NTM: variants seen among roughly 807,000 people sequenced by gnomAD.
NTM encodes the protein neurotrimin.
Under a neutral mutation model 42.1 loss-of-function variants are expected in NTM, and 13 were observed. The ratio of observed to expected loss-of-function variants is 0.31; its 90% CI spans 0.20 to 0.49. The LOEUF (loss-of-function observed/expected upper bound fraction) is 0.49. NTM is among the 20% of genes least tolerant of loss of function. The pLI, the probability that NTM is intolerant of heterozygous loss-of-function variation, is 0.99. For synonymous variants in NTM, 187 were observed against 179.2 expected (o/e 1.04, Z -0.35); for missense variants, 373 against 452.8 (o/e 0.82, Z 1.60).
chr11:131,473,695 G>T (rs1395214358), intron 1 of NTM, among the ~76,000 whole-genome samples: 1 of 152,104 alleles, frequency 6.6e-6, no homozygotes, highest in East Asian at 1.9e-4. Flanking sequence ...GCTCCATGGT[G>T]GAGAGGGAGG....
At position 131,799,949 on chromosome 11, in the gene NTM, CTCCT is replaced by C. The variant is rs1291896404; in HGVS notation, c.83-111613_83-111610del. Among the ~76,000 whole-genome samples the C allele has an allele frequency of 5.3e-4, 81 of 152,266 alleles. 1 individual carries two copies. In the South Asian group the frequency reaches 0.017, roughly 31 times the overall value. On this transcript the variant is annotated intron_variant, in intron 1 of 8. Coordinates refer to ENST00000683400, the MANE Select transcript of NTM (RefSeq NM_001352005.2). ...CCTATTTTTTCTAACTTTGATGAAA[CTCCT>C]TGCCTTTATTTGAAAATGGGGAAAC...
chr11:131,826,538 A>C (rs2042146140), intron 1 of NTM, among the ~76,000 whole-genome samples: 2 of 147,310 alleles, frequency 1.4e-5, no homozygotes, highest in Admixed American at 1.4e-4. Context: ...ACAGTCAGCT[A>C]CGTCGAGGGA....
intron 1 of NTM, among the ~76,000 whole-genome samples, chr11:131,414,685 C>T (rs1452354131): frequency 1.3e-5 from 2 of 152,168 alleles, no homozygotes; most frequent in African/African-American, 2.4e-5. Context: ...ATGTGATGGA[C>T]TGCTGCCAGT....
chr11:131,771,959 TC>T (rs1049612163), intron 1 of NTM, among the ~76,000 whole-genome samples: 1 of 152,222 alleles, frequency 6.6e-6, no homozygotes, highest in Non-Finnish European at 1.5e-5. Flanking sequence ...CCTTTTTCTA[TC>T]TTCTGATGCC....
At chr11:131,921,171 C>T (rs772245539) in intron 2 of NTM, among the ~76,000 whole-genome samples, 3 of 152,204 alleles carry the variant, frequency 2.0e-5, no homozygotes, top group African/African-American at 4.8e-5. Flanking sequence ...ATGTCCTAAC[C>T]TCCAATAGCT....
At chr11:131,786,705 TA>T (rs557178260) in intron 1 of NTM, among the ~76,000 whole-genome samples, 152 of 152,308 alleles carry the variant, frequency 1.0e-3, no homozygotes, top group Non-Finnish European at 1.6e-3. Context: ...GAAAACATGT[TA>T]AAGTCAAGCT....
chr11:132,101,574 G>GTGTA (rs2061630745), intron 2 of NTM, among the ~76,000 whole-genome samples: 1 of 151,970 alleles, frequency 6.6e-6, no homozygotes, highest in African/African-American at 2.4e-5. Flanking sequence ...GTGTGTGTGT[G>GTGTA]TGTGTGTGTG....
chr11:132,037,052 T>G (rs2076593406), intron 2 of NTM, among the ~76,000 whole-genome samples: 1 of 152,162 alleles, frequency 6.6e-6, no homozygotes, highest in Non-Finnish European at 1.5e-5. Flanking sequence ...GATGCTATAG[T>G]TTGGATGTTT....
chr11:131,924,903 T>C (rs2057739130), intron 2 of NTM, among the ~76,000 whole-genome samples: 1 of 152,260 alleles, frequency 6.6e-6, no homozygotes, highest in Non-Finnish European at 1.5e-5. Context: ...ATGTAGTTTC[T>C]GAATCCAGAC....
chr11:132,155,536 C>T (rs958841549), intron 3 of NTM, among the ~76,000 whole-genome samples: 4 of 151,930 alleles, frequency 2.6e-5, no homozygotes, highest in South Asian at 2.1e-4. Flanking sequence ...GCCGCCTCCG[C>T]GGAGCTCTAT....
chr11:131,444,871 G>A (rs1022194371), intron 1 of NTM, among the ~76,000 whole-genome samples: 4 of 152,136 alleles, frequency 2.6e-5, no homozygotes, highest in Non-Finnish European at 5.9e-5. Context: ...TTTCCTGGAA[G>A]GATGATGAGA....
At chr11:131,699,131 T>G (rs1196659664) in intron 1 of NTM, among the ~76,000 whole-genome samples, 1 of 152,168 alleles carries the variant, frequency 6.6e-6, no homozygotes, top group Non-Finnish European at 1.5e-5. Context: ...ACTAAAGAAG[T>G]AATTAAACTC....
intron 2 of NTM, among the ~76,000 whole-genome samples, chr11:132,058,322 G>A (rs2080048718): frequency 6.6e-6 from 1 of 152,110 alleles, no homozygotes. Context: ...ATGTGCTATG[G>A]GGCAGTGCTC....
At chr11:131,452,881 G>A (rs1950589210) in intron 1 of NTM, among the ~76,000 whole-genome samples, 1 of 152,200 alleles carries the variant, frequency 6.6e-6, no homozygotes, top group Non-Finnish European at 1.5e-5. Context: ...TTCAGCAGGT[G>A]TGCAGGGCTG....
chr11:132,128,632 G>C (rs1158178084), intron 2 of NTM, among the ~76,000 whole-genome samples: 1 of 151,896 alleles, frequency 6.6e-6, no homozygotes, highest in Non-Finnish European at 1.5e-5. Context: ...GGCTGATAAG[G>C]GGCTGGGCAT....
At chr11:131,676,202 A>G (rs2071353549) in intron 1 of NTM, among the ~76,000 whole-genome samples, 1 of 152,208 alleles carries the variant, frequency 6.6e-6, no homozygotes, top group Admixed American at 6.5e-5. Flanking sequence ...CATAGGGAAG[A>G]GAAACTGAAA....
rs531451672 is a variant in NTM, at chr11:132,061,211, G to A, written c.168-85071G>A. ...AAATGTAAAAGTAAAGCATCTCATA[G>A]CAGTTATCAGCTGTTTTGTGTCATA... On this transcript the variant is annotated intron_variant, in intron 2 of 8. Transcript: ENST00000683400. 3.9e-3 allele frequency among the ~76,000 whole-genome samples: 591 copies of A among 152,318 alleles called. 2 individuals carry two copies. The highest frequency in any genetic ancestry group is 0.01 in the Middle Eastern group (3 of 294).
chr11:132,230,586 C>A (rs527257232), intron 4 of NTM, among the ~76,000 whole-genome samples: 1 of 152,244 alleles, frequency 6.6e-6, no homozygotes, highest in Non-Finnish European at 1.5e-5. Flanking sequence ...TCCAAGCAGC[C>A]GCGCCTTGCG....
chr11:131,922,231 A>G (rs1475568199), intron 2 of NTM: 1 of 152,032 alleles, frequency 6.6e-6, no homozygotes, highest in Non-Finnish European at 1.5e-5. Context: ...TTTCTTTTTC[A>G]CCTTTCTCGA....
Sources: allele counts gnomAD v4.1 joint callset (sites outside exome capture counted in the v4.1 genomes callset), GRCh38; gene constraint gnomAD v4.1.1; transcripts MANE v1.5; gene names NCBI Gene and HGNC (gene_info 2026-07-23, HGNC 2026-07-21).